The following PTER variants were observed in gnomAD, a reference collection of about 807,000 sequenced individuals.
PTER encodes the protein N-acetyltaurine hydrolase.
A neutral mutation model predicts 29.6 loss-of-function variants in PTER; 38 were observed. The observed-to-expected ratio is 1.28, with a 90% CI of 0.99 to 1.68. PTER has a LOEUF of 1.68. PTER is among the 40% of genes most tolerant of loss of function. The pLI, the probability that PTER is intolerant of heterozygous loss-of-function variation, is 0.00. For synonymous variants in PTER, 172 were observed against 154.5 expected (o/e 1.11, Z -0.84); for missense variants, 482 against 427.8 (o/e 1.13, Z -1.12).
chr10:16,483,971 CT>C (rs1320834358), intron 1 of PTER, among the ~76,000 whole-genome samples: 2 of 151,956 alleles, frequency 1.3e-5, no homozygotes, highest in African/African-American at 4.8e-5. Flanking sequence ...ATTCTGAATA[CT>C]TTTTTTTAAT....
chr10:16,437,785 A>T (rs984880432), intron 1 of PTER, among the ~76,000 whole-genome samples: 9 of 152,214 alleles, frequency 5.9e-5, no homozygotes, highest in Non-Finnish European at 1.5e-5. Context: ...AAGTTTAGAG[A>T]TGGAAACAAA....
chr10:16,457,955 C>T (rs142250510), intron 1 of PTER, among the ~76,000 whole-genome samples: 17 of 152,300 alleles, frequency 1.1e-4, no homozygotes, highest in Middle Eastern at 3.4e-3. Flanking sequence ...CATTTACCTA[C>T]ATGCTGTATA....
At chr10:16,502,578 C>T (rs1440514223) in intron 3 of PTER, among the ~76,000 whole-genome samples, 4 of 152,074 alleles carry the variant, frequency 2.6e-5, no homozygotes, top group African/African-American at 9.7e-5. Flanking sequence ...AGGAGCCAGC[C>T]AGGGTATGAT....
chr10:16,440,580 C>T (rs982141216), intron 1 of PTER, among the ~76,000 whole-genome samples: 3 of 152,212 alleles, frequency 2.0e-5, no homozygotes, highest in Non-Finnish European at 4.4e-5. Flanking sequence ...TCCTTCCAGG[C>T]AGGTATGTCC....
chr10:16,450,696 T>G (rs1024102079), intron 1 of PTER, among the ~76,000 whole-genome samples: 2 of 152,006 alleles, frequency 1.3e-5, no homozygotes, highest in Non-Finnish European at 2.9e-5. Context: ...TAGAAGAGGC[T>G]CAGTATGTGC....
intron 1 of PTER, among the ~76,000 whole-genome samples, chr10:16,465,110 A>C (rs930452022): frequency 6.6e-6 from 1 of 152,172 alleles, no homozygotes; most frequent in East Asian, 1.9e-4. Context: ...TGGGAGCTAC[A>C]ATTCAAGATA....
chr10:16,460,392 A>G (rs1279603829), intron 1 of PTER, among the ~76,000 whole-genome samples: 1 of 152,224 alleles, frequency 6.6e-6, no homozygotes, highest in Non-Finnish European at 1.5e-5. Flanking sequence ...CTGACCTTCA[A>G]AAGATTAAGG....
rs34728849 is a variant in PTER at position 16,486,579 on chromosome 10, C to T, written c.660C>T (p.Gly220=). The T allele has an allele frequency of 2.9e-3, 4,672 of 1,613,852 alleles. 111 individuals carry two copies. In the African/African-American group the frequency reaches 0.051, roughly 18 times the overall value. ...FQIIRILQEA[G]ADISKTVMSH... ...TTATCCGAATATTGCAAGAAGCAGG[C>T]GCAGACATCTCCAAAACAGTCATGT... The change falls in exon 3 of 5, where the codon GGC becomes GGT. Residue 220 remains glycine, a synonymous_variant. Coordinates refer to ENST00000535784, the MANE Select transcript of PTER (RefSeq NM_001261836.2).
chr10:16,438,470 T>TG (rs1377084384), intron 1 of PTER, among the ~76,000 whole-genome samples: 4 of 70,810 alleles, frequency 5.6e-5, no homozygotes, highest in Non-Finnish European at 1.1e-4. Flanking sequence ...CTGTTTTTTG[T>TG]TTTTTTTTTT....
At chr10:16,498,757 C>G (rs954587703) in intron 3 of PTER, among the ~76,000 whole-genome samples, 8 of 152,142 alleles carry the variant, frequency 5.3e-5, no homozygotes, top group African/African-American at 1.9e-4. Flanking sequence ...ACACAGAGTT[C>G]ATTTTCCCAT....
intron 3 of PTER, among the ~76,000 whole-genome samples, chr10:16,499,056 G>T (rs1043156535): frequency 2.0e-5 from 3 of 152,140 alleles, no homozygotes; most frequent in African/African-American, 7.2e-5. Context: ...TTAAGAACAC[G>T]GCCTCAACAC....
At chr10:16,462,060 G>A (rs992230589) in intron 1 of PTER, among the ~76,000 whole-genome samples, 3 of 149,762 alleles carry the variant, frequency 2.0e-5, no homozygotes, top group South Asian at 2.1e-4. Flanking sequence ...ATCTCAGCTC[G>A]CTGCAACCTC....
intron 3 of PTER, among the ~76,000 whole-genome samples, chr10:16,494,023 C>A (rs1388496681): frequency 6.6e-6 from 1 of 152,154 alleles, no homozygotes; most frequent in Non-Finnish European, 1.5e-5. Flanking sequence ...ATAACTCTGA[C>A]ACCATTCCCA....
chr10:16,485,143 G>A lies in PTER; in HGVS notation c.432+327G>A, dbSNP rs149108725. ...ATCTGTCCTCAGTATTGGCACCACA[G>A]TCTATTTGTAAACCTCACTTTTCCA... On this transcript the variant is annotated intron_variant, in intron 2 of 4. Transcript: ENST00000535784. Among the ~76,000 whole-genome samples the A allele has an allele frequency of 1.9e-3, 293 of 152,294 alleles. 1 individual carries two copies. The highest frequency in any genetic ancestry group is 0.01 in the Middle Eastern group (3 of 294).
intron 1 of PTER, among the ~76,000 whole-genome samples, chr10:16,473,847 A>G (rs928405066): frequency 1.3e-5 from 2 of 152,164 alleles, no homozygotes; most frequent in Non-Finnish European, 2.9e-5. Context: ...GAAAACTGGA[A>G]TAATATCTGC....
At chr10:16,460,528 G>A (rs1352968443) in intron 1 of PTER, among the ~76,000 whole-genome samples, 2 of 151,936 alleles carry the variant, frequency 1.3e-5, no homozygotes, top group Non-Finnish European at 2.9e-5. Flanking sequence ...TTTATTTTAA[G>A]CATTATACAT....
intron 4 of PTER, among the ~76,000 whole-genome samples, chr10:16,508,214 A>G (rs892134660): frequency 8.7e-4 from 131 of 150,944 alleles, no homozygotes; most frequent in Non-Finnish European, 1.3e-3. Flanking sequence ...GACTACAGGC[A>G]CCCGCCACCA....
intron 1 of PTER, among the ~76,000 whole-genome samples, chr10:16,440,327 C>T (rs780214623): frequency 1.3e-5 from 2 of 151,624 alleles, no homozygotes; most frequent in Non-Finnish European, 2.9e-5. Context: ...CTCAGCCTCC[C>T]GGCATGAGCC....
At chr10:16,462,106 C>A (rs1271490693) in intron 1 of PTER, among the ~76,000 whole-genome samples, 1 of 151,836 alleles carries the variant, frequency 6.6e-6, no homozygotes, top group Non-Finnish European at 1.5e-5. Flanking sequence ...CTGCCTCAGC[C>A]CCCCAAGTAC....
Sources: gnomAD v4.1 joint callset for allele counts (sites outside exome capture counted in the v4.1 genomes callset) on GRCh38, gnomAD v4.1.1 for gene constraint, MANE v1.5 for transcripts, NCBI Gene and HGNC (gene_info 2026-07-23, HGNC 2026-07-21) for gene names.